AP1B1: variants seen among roughly 807,000 people sequenced by gnomAD.
AP1B1 encodes the protein adaptor related protein complex 1 subunit beta 1.
AP1B1 carries 36 observed loss-of-function variants against 104.3 expected under a neutral mutation model. That is an observed-to-expected ratio of 0.35 (90% CI 0.26 to 0.46). The LOEUF (loss-of-function observed/expected upper bound fraction) is 0.46. Ranked by LOEUF, AP1B1 falls within the 20% of genes least tolerant of loss-of-function variation. The pLI is 1.00. For missense variants in AP1B1, 901 were observed against 1,247.9 expected (o/e 0.72, Z 4.19); for synonymous variants, 504 against 517.5 (o/e 0.97, Z 0.35).
intron 22 of AP1B1, chr22:29,329,186 G>A (rs903704124): frequency 1.2e-5 from 15 of 1,256,370 alleles, no homozygotes; most frequent in African/African-American, 9.2e-5. Flanking sequence ...GGGAGTGCCC[G>A]GCCCCCACCC....
chr22:29,381,239 C>T (rs1445312618), intron 1 of AP1B1, among the ~76,000 whole-genome samples: 1 of 152,140 alleles, frequency 6.6e-6, no homozygotes, highest in Non-Finnish European at 1.5e-5. Flanking sequence ...TAATCCCCAC[C>T]ACTTCCTAAC....
chr22:29,349,931 G>A, intron 10 of AP1B1, 104 bp downstream of exon 10: 1 of 911,106 alleles, frequency 1.1e-6, no homozygotes, highest in Non-Finnish European at 1.8e-6. Flanking sequence ...TGACGCTTGT[G>A]GCCAAGAAGT....
At chr22:29,340,147 G>C (rs2147953244) in intron 14 of AP1B1, among the ~76,000 whole-genome samples, 1 of 152,268 alleles carries the variant, frequency 6.6e-6, no homozygotes, top group Non-Finnish European at 1.5e-5. Flanking sequence ...GCCCCAGGGA[G>C]ATACCCAAGT....
intron 8 of AP1B1, 83 bp from the exon 9 acceptor site, chr22:29,351,349 G>T: frequency 7.1e-7 from 1 of 1,403,274 alleles, no homozygotes; most frequent in South Asian, 1.2e-5. Flanking sequence ...AATATACACA[G>T]ACTCCCTAGG....
chr22:29,342,081 T>C (rs1258880470), intron 12 of AP1B1, among the ~76,000 whole-genome samples: 1 of 152,276 alleles, frequency 6.6e-6, no homozygotes, highest in East Asian at 1.9e-4. Context: ...TCAACTTCAC[T>C]ACTTGACCTC....
chr22:29,388,523 C>G lies in AP1B1; in HGVS notation c.-127G>C, dbSNP rs538403212. On this transcript the variant is annotated 5_prime_UTR_variant, in exon 1 of 23. Coordinates refer to ENST00000357586, the MANE Select transcript of AP1B1 (RefSeq NM_001127.4). Reference sequence around the variant, plus strand: ...CGCTCTCCCGGTGCGTCCGGGCTGCCGGCGGCTCGGAGCCCCGCGGCTGTC... The same window carrying G: ...CGCTCTCCCGGTGCGTCCGGGCTGCGGGCGGCTCGGAGCCCCGCGGCTGTC... The G allele has an allele frequency of 3.0e-4, 46 of 152,296 alleles. No individual in the cohort carries two copies. Among genetic ancestry groups the G allele is most frequent in the African/African-American group, 1.1e-3 (44 of 41,572 alleles). The allele number at this position is 152,296 out of a possible 1,614,324, so 9.4% of individuals were successfully genotyped here.
Position 29,349,352 on chromosome 22 carries a change from T to C in AP1B1, c.1303A>G (p.Asn435Asp), listed in dbSNP as rs1465468340. The C allele has an allele frequency of 6.2e-7, 1 of 1,614,014 alleles. No individual in the cohort carries two copies. The highest frequency in any genetic ancestry group is 2.2e-5 in the East Asian group (1 of 44,880). The change falls in exon 11 of 23, where the codon AAT becomes GAT. Residue 435 changes from asparagine to aspartate, a missense_variant. Physicochemically the swap from Asn to Asp is conservative, Grantham distance 23. This residue lies in a region of AP1B1 where 471 missense variants were observed against 696.7 expected (regional missense o/e 0.68). Transcript: ENST00000357586. ...TCAGGCTCATCCAGGGAGTCCAGATTCTCACACAGTGTGGCAATCACACTC... is the reference window on the plus strand; with the variant it reads ...TCAGGCTCATCCAGGGAGTCCAGATCCTCACACAGTGTGGCAATCACACTC... ...YESVIATLCE[N>D]LDSLDEPEAR... is the part of the protein sequence containing the mutation.
intron 1 of AP1B1, among the ~76,000 whole-genome samples, chr22:29,371,809 T>C (rs1265584254): frequency 6.6e-6 from 1 of 152,178 alleles, no homozygotes; most frequent in Non-Finnish European, 1.5e-5. Context: ...GCAAATTTTT[T>C]AAAGTGGTTA....
intron 11 of AP1B1, among the ~76,000 whole-genome samples, chr22:29,342,785 T>C (rs2061734185): frequency 1.3e-5 from 2 of 152,182 alleles, no homozygotes; most frequent in South Asian, 2.1e-4. Context: ...CCCAGGGGAC[T>C]GGGGCAGCAG....
Position 29,331,875 on chromosome 22 carries a change from G to A in AP1B1, c.2351C>T (p.Pro784Leu). 1.2e-6 allele frequency: 2 copies of A among 1,613,284 alleles called. No homozygotes were observed. Among genetic ancestry groups the A allele is most frequent in the Non-Finnish European group, 1.7e-6 (2 of 1,179,494 alleles). ...APAAPLQVHA[P>L]LSPNQTVEIS... Reference sequence around the variant, plus strand: ...CTCCACTGTCTGGTTGGGGCTGAGTGGCGCGTGGACCTGGAGGGGGGCGGC... The same window carrying A: ...CTCCACTGTCTGGTTGGGGCTGAGTAGCGCGTGGACCTGGAGGGGGGCGGC... The change falls in exon 18 of 23, where the codon CCA becomes CTA. Residue 784 changes from proline to leucine, a missense_variant. This residue lies in a region of AP1B1 where 424 missense variants were observed against 494.0 expected (regional missense o/e 0.86). Transcript: ENST00000357586.
At chr22:29,380,285 T>C (rs1026629956) in intron 1 of AP1B1, among the ~76,000 whole-genome samples, 4 of 152,198 alleles carry the variant, frequency 2.6e-5, no homozygotes, top group Non-Finnish European at 2.9e-5. Context: ...CCTTCAACAC[T>C]GTGTGCCCCA....
rs191165280 is a variant in AP1B1 at position 29,345,383 on chromosome 22, T to G, written c.1438-3000A>C. Among the ~76,000 whole-genome samples, 1,122 of 144,878 alleles carry G rather than the reference T, an allele frequency of 7.7e-3. 10 individuals are homozygous for G. The highest frequency in any genetic ancestry group is 0.011 in the Non-Finnish European group (710 of 66,626). On this transcript the variant is annotated intron_variant, in intron 11 of 22. Transcript: ENST00000357586. ...ACAAGTTTTGTTTTGTTTTTTTTCTTTTTTCTGAGATGGAGTCTCGGTCTG... is the reference window on the plus strand; with the variant it reads ...ACAAGTTTTGTTTTGTTTTTTTTCTGTTTTCTGAGATGGAGTCTCGGTCTG...
chr22:29,329,575 G>A, intron 22 of AP1B1, 137 bp downstream of exon 22: 1 of 1,528,688 alleles, frequency 6.5e-7, no homozygotes. Context: ...CCTCAATCAG[G>A]GCCACCTGGC....
chr22:29,330,794 C>T, intron 19 of AP1B1, 85 bp from the exon 20 acceptor site: 1 of 1,192,864 alleles, frequency 8.4e-7, no homozygotes, highest in Non-Finnish European at 1.2e-6. Context: ...ATGGGTCTGG[C>T]CTTTACTGTG....
chr22:29,368,585 C>T (rs777180571), intron 1 of AP1B1, among the ~76,000 whole-genome samples: 30 of 152,096 alleles, frequency 2.0e-4, no homozygotes, highest in African/African-American at 6.0e-4. Context: ...AATGATGAAA[C>T]GGACTCAGCG....
chr22:29,339,741 G>A lies in AP1B1; in HGVS notation c.2019+13C>T. ...AAGGACGAAGGCTTGGTGACGCAAGGGTTGAACCATACCCCTTCAGGCTCA... is the reference window on the plus strand; with the variant it reads ...AAGGACGAAGGCTTGGTGACGCAAGAGTTGAACCATACCCCTTCAGGCTCA... On this transcript the variant is annotated intron_variant, in intron 15 of 22. Transcript: ENST00000357586. 6.2e-7 allele frequency: 1 copy of A among 1,609,582 alleles called. No individual in the cohort carries two copies. The highest frequency in any genetic ancestry group is 8.5e-7 in the Non-Finnish European group (1 of 1,178,072).
At chr22:29,358,379 G>A (rs1331515058) in intron 5 of AP1B1, among the ~76,000 whole-genome samples, 2 of 152,154 alleles carry the variant, frequency 1.3e-5, no homozygotes, top group Non-Finnish European at 2.9e-5. Context: ...GGGGAAGGAG[G>A]GCACTAGTAT....
At position 29,328,975 on chromosome 22, in the gene AP1B1, G is replaced by A. The variant is rs2061516646; in HGVS notation, c.2776-80C>T. On this transcript the variant is annotated intron_variant, in intron 22 of 22. Coordinates refer to ENST00000357586, the MANE Select transcript of AP1B1 (RefSeq NM_001127.4). This position sits in a 1 kb window ranked among gnomAD's most constrained non-coding sequence, Gnocchi z 4.1. The stretch of plus-strand genomic sequence containing the variant: ...AGGAAGGAAAGGGGTGGGGAAGAGA[G>A]CAGGAACCAATGGGACAGCGTGGAG... 1 of 1,552,988 alleles carries A rather than the reference G, an allele frequency of 6.4e-7. No individual in the cohort carries two copies.
At chr22:29,331,970 G>T in intron 17 of AP1B1, 54 bp from the exon 18 acceptor site, 1 of 1,546,772 alleles carries the variant, frequency 6.5e-7, no homozygotes, top group Non-Finnish European at 8.7e-7. Context: ...GCTGATGCGG[G>T]ACAGGTGAGC....
Sources: gnomAD v4.1 joint callset for allele counts (sites outside exome capture counted in the v4.1 genomes callset) on GRCh38, gnomAD v4.1.1 for gene constraint, gnomAD v4.1.1 regional missense constraint, Gnocchi (gnomAD v3.1) non-coding constraint, MANE v1.5 for transcripts, NCBI Gene and HGNC (gene_info 2026-07-23, HGNC 2026-07-21) for gene names.